DSCAM: variants seen among roughly 807,000 people sequenced by gnomAD.
The protein encoded by DSCAM is cell adhesion molecule DSCAM.
DSCAM carries 47 observed loss-of-function variants against 217.7 expected under a neutral mutation model. That is an observed-to-expected ratio of 0.22 (90% CI 0.17 to 0.28). The LOEUF is 0.28. Ranked by LOEUF, DSCAM falls within the 10% of genes least tolerant of loss-of-function variation. The pLI is 1.00. For synonymous variants in DSCAM, 1,056 were observed against 1,015.3 expected (o/e 1.04, Z -0.76); for missense variants, 2,080 against 2,618.3 (o/e 0.79, Z 4.49).
At chr21:40,677,912 T>G (rs1200841928) in intron 3 of DSCAM, among the ~76,000 whole-genome samples, 1 of 152,186 alleles carries the variant, frequency 6.6e-6, no homozygotes, top group Non-Finnish European at 1.5e-5. Context: ...TAAATTTCTG[T>G]CGTTTATAAG....
intron 14 of DSCAM, among the ~76,000 whole-genome samples, chr21:40,179,418 TC>T (rs1275312112): frequency 1.3e-5 from 2 of 152,018 alleles, no homozygotes; most frequent in Non-Finnish European, 2.9e-5. Flanking sequence ...GAAGGCAAAT[TC>T]CAGTGGTGGA....
intron 20 of DSCAM, among the ~76,000 whole-genome samples, chr21:40,094,313 T>C (rs1175349373): frequency 6.6e-6 from 1 of 152,068 alleles, no homozygotes. Context: ...ATTTTGCAAT[T>C]TGTAGGGCAG....
chr21:40,573,682 C>A (rs2076826373), intron 3 of DSCAM, among the ~76,000 whole-genome samples: 1 of 151,824 alleles, frequency 6.6e-6, no homozygotes, highest in Non-Finnish European at 1.5e-5. Flanking sequence ...AATGAAAACA[C>A]ATAAAAGAAA....
At chr21:40,664,126 C>T (rs1369163196) in intron 3 of DSCAM, among the ~76,000 whole-genome samples, 2 of 152,134 alleles carry the variant, frequency 1.3e-5, no homozygotes, top group African/African-American at 4.8e-5. Context: ...CCCTCTCCTG[C>T]AAATGTCCTC....
intron 32 of DSCAM, among the ~76,000 whole-genome samples, chr21:40,019,586 T>G (rs1301570582): frequency 6.6e-6 from 1 of 152,128 alleles, no homozygotes; most frequent in Non-Finnish European, 1.5e-5. Flanking sequence ...AGCTTACCAT[T>G]CAGGACCCTC....
At chr21:40,070,013 C>T (rs1049800883) in intron 27 of DSCAM, among the ~76,000 whole-genome samples, 1 of 152,148 alleles carries the variant, frequency 6.6e-6, no homozygotes, top group African/African-American at 2.4e-5. Flanking sequence ...TCCTGACTAC[C>T]CACTCCCTGG....
At chr21:40,567,543 C>A (rs540512508) in intron 3 of DSCAM, among the ~76,000 whole-genome samples, 1 of 152,322 alleles carries the variant, frequency 6.6e-6, no homozygotes, top group Admixed American at 6.5e-5. Flanking sequence ...ACCAAAGAAG[C>A]CCCACTTCAA....
chr21:40,722,381 G>A (rs188237536), intron 1 of DSCAM, among the ~76,000 whole-genome samples: 48 of 152,198 alleles, frequency 3.2e-4, no homozygotes, highest in Middle Eastern at 3.4e-3. Context: ...TTAACACAAA[G>A]GCAGGAGGAA....
At chr21:40,648,281 ACT>A (rs1021204317) in intron 3 of DSCAM, among the ~76,000 whole-genome samples, 1,749 of 143,502 alleles carry the variant, frequency 0.012, 31 homozygotes, top group African/African-American at 0.039. Context: ...ACACACACAC[ACT>A]CACACACTGC....
chr21:40,514,764 T>G (rs2076286972), intron 3 of DSCAM, among the ~76,000 whole-genome samples: 1 of 152,242 alleles, frequency 6.6e-6, no homozygotes, highest in African/African-American at 2.4e-5. Flanking sequence ...GTATAATGTC[T>G]GTTAAACATT....
At chr21:40,500,832 C>T (rs1325414068) in intron 3 of DSCAM, among the ~76,000 whole-genome samples, 1 of 152,204 alleles carries the variant, frequency 6.6e-6, no homozygotes, top group Admixed American at 6.5e-5. Flanking sequence ...TGATGCCTCC[C>T]ATTGTGGAAC....
chr21:40,558,171 G>T (rs921588436), intron 3 of DSCAM, among the ~76,000 whole-genome samples: 10 of 152,076 alleles, frequency 6.6e-5, no homozygotes, highest in Admixed American at 2.0e-4. Flanking sequence ...GTTATCATTT[G>T]ATTATCTCTT....
At chr21:40,436,874 T>A (rs2075587844) in intron 3 of DSCAM, among the ~76,000 whole-genome samples, 1 of 152,228 alleles carries the variant, frequency 6.6e-6, no homozygotes, top group African/African-American at 2.4e-5. Flanking sequence ...GAATTTAGAT[T>A]TTATTACCTC....
At chr21:40,225,186 A>G (rs1164328883) in intron 11 of DSCAM, among the ~76,000 whole-genome samples, 1 of 152,218 alleles carries the variant, frequency 6.6e-6, no homozygotes, top group African/African-American at 2.4e-5. Context: ...AAGCCTGTGA[A>G]TGATAGATGA....
chr21:40,750,766 G>A (rs1389889640), intron 1 of DSCAM, among the ~76,000 whole-genome samples: 1 of 152,064 alleles, frequency 6.6e-6, no homozygotes, highest in Non-Finnish European at 1.5e-5. Context: ...CATTCTAACT[G>A]CTCAGGCTAC....
At chr21:40,689,635 G>A (rs2090518212) in intron 3 of DSCAM, among the ~76,000 whole-genome samples, 1 of 152,232 alleles carries the variant, frequency 6.6e-6, no homozygotes, top group East Asian at 1.9e-4. Context: ...ACTGAAGGAA[G>A]TGATCTCTGC....
At chr21:40,039,773 A>G (rs1230695544) in intron 32 of DSCAM, among the ~76,000 whole-genome samples, 1 of 152,218 alleles carries the variant, frequency 6.6e-6, no homozygotes, top group African/African-American at 2.4e-5. Flanking sequence ...GGCAATTTGC[A>G]GAGAATTTCA....
Position 40,830,348 on chromosome 21 carries a change from C to T in DSCAM, c.43+16271G>A, listed in dbSNP as rs566732512. On this transcript the variant is annotated intron_variant, in intron 1 of 32. Coordinates refer to ENST00000400454, the MANE Select transcript of DSCAM (RefSeq NM_001389.5). ...CTCCCTATCATGAAGCACAGCGCCA[C>T]GCCATGAAGGATCCCTCCTAATGGA... is the stretch of plus-strand genomic sequence containing the variant. Among the ~76,000 whole-genome samples the T allele has an allele frequency of 6.5e-3, 988 of 152,098 alleles. 3 individuals are homozygous for T. The highest frequency in any genetic ancestry group is 0.035 in the South Asian group (168 of 4,812).
At chr21:40,243,995 C>T (rs1026610049) in intron 11 of DSCAM, among the ~76,000 whole-genome samples, 1 of 152,188 alleles carries the variant, frequency 6.6e-6, no homozygotes, top group East Asian at 1.9e-4. Context: ...AAAATAAATG[C>T]ACCTTGATGC....
Sources: allele counts gnomAD v4.1 joint callset (sites outside exome capture counted in the v4.1 genomes callset), GRCh38; gene constraint gnomAD v4.1.1; transcripts MANE v1.5; gene names NCBI Gene and HGNC (gene_info 2026-07-23, HGNC 2026-07-21).